The following EPHA7 variants were observed in gnomAD, a reference collection of about 807,000 sequenced individuals.
EPHA7 encodes the protein ephrin type-A receptor 7.
In EPHA7, 25 loss-of-function variants were observed where a neutral mutation model predicts 112.6. That is an observed-to-expected ratio of 0.22 (90% CI 0.16 to 0.31). The LOEUF is 0.31. Among genes scored for constraint, EPHA7 ranks in the 10% least tolerant of loss-of-function variants. EPHA7 has a pLI of 1.00. For synonymous variants in EPHA7, 437 were observed against 406.5 expected, an observed-to-expected ratio of 1.07 and a Z score of -0.90; for missense variants, 962 against 1,212.6, an observed-to-expected ratio of 0.79 and a Z score of 3.07.
Position 93,258,092 on chromosome 6 carries a change from T to C in EPHA7, c.2110+7A>G, listed in dbSNP as rs374550153. ...TTTGATAAAATAAAGATATAACCAA[T>C]ATCTACCTCTTGTAACAACCCCTTC... On this transcript the variant is annotated splice_region_variant and intron_variant, in intron 11 of 16. Coordinates refer to ENST00000369303, the MANE Select transcript of EPHA7 (RefSeq NM_004440.4). 6 of 1,610,754 alleles carry C rather than the reference T, an allele frequency of 3.7e-6. No homozygotes were observed. The African/African-American group carries it at 8.0e-5, about 22-fold the overall frequency.
At chr6:93,368,460 G>C (rs1776621917) in intron 3 of EPHA7, among the ~76,000 whole-genome samples, 1 of 152,006 alleles carries the variant, frequency 6.6e-6, no homozygotes, top group East Asian at 1.9e-4. Context: ...TTTTCAATGA[G>C]GCTAATGAAG....
intron 5 of EPHA7, among the ~76,000 whole-genome samples, chr6:93,352,089 A>G (rs1255379984): frequency 1.3e-5 from 2 of 152,116 alleles, no homozygotes; most frequent in African/African-American, 4.8e-5. Flanking sequence ...GCCTAATTCC[A>G]CAACATTTTT....
intron 3 of EPHA7, among the ~76,000 whole-genome samples, chr6:93,361,386 AG>A (rs1387029063): frequency 6.6e-6 from 1 of 152,090 alleles, no homozygotes; most frequent in Non-Finnish European, 1.5e-5. Flanking sequence ...AAACAAAAGC[AG>A]TACCTCTTAT....
intron 5 of EPHA7, among the ~76,000 whole-genome samples, chr6:93,285,071 C>A (rs1433542269): frequency 6.6e-6 from 1 of 152,136 alleles, no homozygotes; most frequent in Non-Finnish European, 1.5e-5. Context: ...CTCAAAAGTG[C>A]ATAAACTTAA....
intron 14 of EPHA7, among the ~76,000 whole-genome samples, chr6:93,247,750 C>T (rs1770022718): frequency 6.6e-6 from 1 of 152,002 alleles, no homozygotes; most frequent in African/African-American, 2.4e-5. Context: ...ATCTAATAGC[C>T]TAATATATCT....
chr6:93,331,370 C>T (rs1375379125), intron 5 of EPHA7, among the ~76,000 whole-genome samples: 1 of 151,044 alleles, frequency 6.6e-6, no homozygotes, highest in Non-Finnish European at 1.5e-5. Flanking sequence ...GTTTTCTTTA[C>T]CTTTAATCCC....
intron 5 of EPHA7, among the ~76,000 whole-genome samples, chr6:93,318,554 T>C (rs1773918700): frequency 6.6e-6 from 1 of 152,096 alleles, no homozygotes; most frequent in African/African-American, 2.4e-5. Context: ...ATCTTAAAAT[T>C]ATATTTTCTG....
chr6:93,399,365 C>A (rs778087831), intron 3 of EPHA7, among the ~76,000 whole-genome samples: 1 of 152,038 alleles, frequency 6.6e-6, no homozygotes, highest in Non-Finnish European at 1.5e-5. Context: ...ACCTAAATAT[C>A]TACTTGAAAA....
intron 3 of EPHA7, among the ~76,000 whole-genome samples, chr6:93,376,700 C>G (rs920515973): frequency 1.3e-5 from 2 of 152,056 alleles, no homozygotes; most frequent in Non-Finnish European, 2.9e-5. Flanking sequence ...AACGGAAGCC[C>G]CACATTTGAG....
chr6:93,346,709 AT>A (rs1775423651), intron 5 of EPHA7, among the ~76,000 whole-genome samples: 1 of 151,616 alleles, frequency 6.6e-6, no homozygotes, highest in Non-Finnish European at 1.5e-5. Flanking sequence ...TGCTTTTTGT[AT>A]TTTTCCCCTA....
chr6:93,314,473 T>C (rs762704905), intron 5 of EPHA7, among the ~76,000 whole-genome samples: 1 of 152,150 alleles, frequency 6.6e-6, no homozygotes, highest in Non-Finnish European at 1.5e-5. Flanking sequence ...CCAACCTCCA[T>C]ATCTGTTTTA....
intron 10 of EPHA7, 26 bp downstream of exon 10, chr6:93,259,328 G>A: frequency 6.2e-7 from 1 of 1,609,356 alleles, no homozygotes; most frequent in Non-Finnish European, 8.5e-7. Flanking sequence ...TGGAACAGCT[G>A]AACGAGGAAG....
intron 5 of EPHA7, among the ~76,000 whole-genome samples, chr6:93,323,047 A>G (rs1461873864): frequency 6.6e-6 from 1 of 151,650 alleles, no homozygotes; most frequent in Non-Finnish European, 1.5e-5. Context: ...AAGATGTGAA[A>G]ACTTTTTGGT....
chr6:93,330,902 A>C (rs958899166), intron 5 of EPHA7, among the ~76,000 whole-genome samples: 2 of 151,342 alleles, frequency 1.3e-5, no homozygotes, highest in African/African-American at 4.8e-5. Flanking sequence ...AAAGGTGTAA[A>C]GCATTTATTA....
intron 2 of EPHA7, among the ~76,000 whole-genome samples, chr6:93,412,975 A>C (rs1779049252): frequency 6.6e-6 from 1 of 151,936 alleles, no homozygotes; most frequent in African/African-American, 2.4e-5. Context: ...GGAATGCTTC[A>C]GGAAAACTAT....
At chr6:93,359,497 T>C (rs1776134020) in intron 3 of EPHA7, among the ~76,000 whole-genome samples, 1 of 151,814 alleles carries the variant, frequency 6.6e-6, no homozygotes, top group Admixed American at 6.6e-5. Flanking sequence ...TTAGTGAAAA[T>C]TTAACATAAA....
chr6:93,400,885 T>G (rs1421151361), intron 3 of EPHA7, among the ~76,000 whole-genome samples: 2 of 152,128 alleles, frequency 1.3e-5, no homozygotes, highest in African/African-American at 4.8e-5. Flanking sequence ...ATGTAATAGA[T>G]TTTTGAATCA....
intron 5 of EPHA7, among the ~76,000 whole-genome samples, chr6:93,297,552 A>G (rs1273623263): frequency 6.6e-6 from 1 of 152,138 alleles, no homozygotes; most frequent in African/African-American, 2.4e-5. Context: ...TAATTGGTTT[A>G]GTTCTACTAT....
chr6:93,307,250 T>A (rs1304854954), intron 5 of EPHA7, among the ~76,000 whole-genome samples: 4 of 151,568 alleles, frequency 2.6e-5, no homozygotes, highest in Non-Finnish European at 4.4e-5. Context: ...GAAAAAAAAA[T>A]TCACCATGAT....
Sources: allele counts gnomAD v4.1 joint callset (sites outside exome capture counted in the v4.1 genomes callset), GRCh38; gene constraint gnomAD v4.1.1; transcripts MANE v1.5; gene names NCBI Gene and HGNC (gene_info 2026-07-23, HGNC 2026-07-21).